The following VSIG4 variants were observed in gnomAD, a reference collection of about 807,000 sequenced individuals.
The protein encoded by VSIG4 is V-set and immunoglobulin domain-containing protein 4.
In VSIG4, 34 loss-of-function variants were observed where a neutral mutation model predicts 23.4. The ratio of observed to expected loss-of-function variants is 1.45; its 90% CI spans 1.10 to 1.93. The LOEUF (loss-of-function observed/expected upper bound fraction) is 1.93, where lower values mean the gene tolerates loss of function less well. VSIG4 is among the 30% of genes most tolerant of loss of function. The pLI, the probability that VSIG4 is intolerant of heterozygous loss-of-function variation, is 0.00. For missense variants in VSIG4, 433 were observed against 310.8 expected, an observed-to-expected ratio of 1.39 and a Z score of -2.96; for synonymous variants, 169 against 120.3, an observed-to-expected ratio of 1.41 and a Z score of -2.65.
rs1337385413 is a variant in VSIG4, at chrX:66,025,081, C to G, written c.884G>C (p.Cys295Ser). 2 of 1,204,620 alleles carry G rather than the reference C, an allele frequency of 1.7e-6. No individual in the cohort carries two copies. Among genetic ancestry groups the G allele is most frequent in the African/African-American group, 3.5e-5 (2 of 56,948 alleles). ...FAIILIISLC[C>S]MVVFTMAYIM... ...ATAGGCCATGGTAAAAACCACCATA[C>G]AGCACAAGGAGATGATGAGGATGAT... The change falls in exon 6 of 8, where the codon TGT becomes TCT. Residue 295 changes from cysteine (C) to serine (S), a missense_variant. Cys to Ser is a moderately radical substitution (Grantham distance 112, BLOSUM62 -1). Coordinates refer to ENST00000374737, the MANE Select transcript of VSIG4 (RefSeq NM_007268.3).
chrX:66,021,787 T>G lies in VSIG4; in HGVS notation c.*476A>C. On this transcript the variant is annotated 3_prime_UTR_variant, in exon 8 of 8. Transcript: ENST00000374737. ...TGAGCACCAGGAGAGAGTCAGAACA[T>G]TAGACTTATAGTGGAGGAGCAGAAC... 1 of 245,281 alleles carries G rather than the reference T, an allele frequency of 4.1e-6. No individual in the cohort carries two copies. 20.2% of individuals were successfully genotyped at this position (245,281 alleles called of 1,213,427 possible). A position where few individuals can be genotyped will look rare whatever the true frequency, so the allele number is the denominator to read the frequency against.
At chrX:66,025,178 G>T (rs1243905719) in intron 5 of VSIG4, 49 bp from the exon 6 acceptor site, 1 of 955,365 alleles carries the variant, frequency 1.0e-6, no homozygotes, top group Non-Finnish European at 1.4e-6. Flanking sequence ...AATAAGGCCA[G>T]AAACAAAAAC....
At chrX:66,036,410 A>G (rs1393492458) in intron 1 of VSIG4, among the ~76,000 whole-genome samples, 1 of 104,765 alleles carries the variant, frequency 9.5e-6, no homozygotes, top group African/African-American at 3.5e-5. Flanking sequence ...AGAATCAAGT[A>G]GGAGCCCCTA....
chrX:66,038,481 TCACACACA>T (rs10555185), intron 1 of VSIG4, among the ~76,000 whole-genome samples: 4 of 101,944 alleles, frequency 3.9e-5, no homozygotes, highest in Non-Finnish European at 8.0e-5. Context: ...TCTCTCTCTC[TCACACACA>T]CACACACACA....
At chrX:66,027,386 A>G (rs2085403772) in intron 5 of VSIG4, 63 bp downstream of exon 5, 5 of 982,925 alleles carry the variant, frequency 5.1e-6, no homozygotes, top group Non-Finnish European at 7.1e-6. Flanking sequence ...TGCATAAGGG[A>G]AAGTTTTGGT....
rs145965149 is a variant in VSIG4, at chrX:66,032,071, T to C, written c.694+397A>G. 1.5e-3 allele frequency among the ~76,000 whole-genome samples: 163 copies of C among 111,901 alleles called. 1 individual carries two copies. The Middle Eastern group carries it at 0.033, about 22-fold the overall frequency. ...AAATCTGAGTACAAATCCAGATTTA[T>C]ACTTCCTTGCTGTGAGACCATGGGC... On this transcript the variant is annotated intron_variant, in intron 3 of 7. Coordinates refer to ENST00000374737, the MANE Select transcript of VSIG4 (RefSeq NM_007268.3).
At chrX:66,034,303 C>A (rs893073515) in intron 1 of VSIG4, among the ~76,000 whole-genome samples, 1 of 111,833 alleles carries the variant, frequency 8.9e-6, no homozygotes, top group Non-Finnish European at 1.9e-5. Flanking sequence ...TAAATTTGCA[C>A]CTGGAGAAAG....
chrX:66,028,942 A>G (rs748759728), intron 3 of VSIG4, among the ~76,000 whole-genome samples: 1 of 111,853 alleles, frequency 8.9e-6, no homozygotes, highest in East Asian at 2.8e-4. Context: ...CGAGAAAACA[A>G]AAAAAACTAA....
intron 1 of VSIG4, among the ~76,000 whole-genome samples, chrX:66,036,877 A>G (rs1166160449): frequency 4.8e-5 from 2 of 41,506 alleles, no homozygotes; most frequent in Non-Finnish European, 7.3e-5. Flanking sequence ...ATTATATTAT[A>G]TATTATATTA....
chrX:66,027,304 C>G, intron 5 of VSIG4, 145 bp downstream of exon 5: 1 of 515,447 alleles, frequency 1.9e-6, no homozygotes, highest in Non-Finnish European at 3.4e-6. Flanking sequence ...CTTTACCCAT[C>G]CTCAGTGCCC....
chrX:66,028,829 C>G (rs1034822470), intron 3 of VSIG4, among the ~76,000 whole-genome samples: 2 of 110,580 alleles, frequency 1.8e-5, no homozygotes, highest in African/African-American at 6.6e-5. Context: ...CCTGAAAGAC[C>G]TGACTCAAAA....
At chrX:66,037,596 A>G (rs1166227044) in intron 1 of VSIG4, among the ~76,000 whole-genome samples, 1 of 64,182 alleles carries the variant, frequency 1.6e-5, no homozygotes, top group East Asian at 4.2e-4. Context: ...TTCCTTTATT[A>G]TTACTTCCAC....
chrX:66,028,790 T>C (rs1358750609), intron 3 of VSIG4, among the ~76,000 whole-genome samples: 2 of 109,982 alleles, frequency 1.8e-5, no homozygotes. Flanking sequence ...TTTTGAATAA[T>C]TGCCATTATT....
At chrX:66,038,959 A>T (rs1030841850) in intron 1 of VSIG4, among the ~76,000 whole-genome samples, 3 of 111,336 alleles carry the variant, frequency 2.7e-5, no homozygotes, top group Non-Finnish European at 5.7e-5. Flanking sequence ...CCTATATTGG[A>T]TCTCACTTAG....
rs1439308274 is a variant in VSIG4 at position 66,022,130 on chromosome X, C to G, written c.*133G>C. 1 of 1,186,502 alleles carries G rather than the reference C, an allele frequency of 8.4e-7. No homozygotes were observed. The highest frequency in any genetic ancestry group is 1.8e-5 in the African/African-American group (1 of 56,760). On this transcript the variant is annotated 3_prime_UTR_variant, in exon 8 of 8. Coordinates refer to ENST00000374737, the MANE Select transcript of VSIG4 (RefSeq NM_007268.3). ...AAATTCCAGGGCAAAGCCAGTGACTCCCAGCGGCTCCAGTGTTGGTAGGCG... is the reference window on the plus strand; with the variant it reads ...AAATTCCAGGGCAAAGCCAGTGACTGCCAGCGGCTCCAGTGTTGGTAGGCG...
At chrX:66,037,883 A>G (rs2085636979) in intron 1 of VSIG4, among the ~76,000 whole-genome samples, 1 of 107,199 alleles carries the variant, frequency 9.3e-6, no homozygotes, top group African/African-American at 3.4e-5. Flanking sequence ...GTGTAATGGC[A>G]CTGAAGAAAA....
intron 1 of VSIG4, among the ~76,000 whole-genome samples, chrX:66,036,420 A>G (rs1157720846): frequency 9.6e-6 from 1 of 104,252 alleles, no homozygotes; most frequent in Non-Finnish European, 1.9e-5. Context: ...AGGAGCCCCT[A>G]ATGAGAGCAG....
chrX:66,034,116 C>T (rs764538461), intron 1 of VSIG4, among the ~76,000 whole-genome samples: 22 of 111,662 alleles, frequency 2.0e-4, no homozygotes, highest in African/African-American at 1.3e-4. Context: ...ACCTTCTTAC[C>T]GTGGAAGATT....
At chrX:66,036,480 C>T (rs984413230) in intron 1 of VSIG4, among the ~76,000 whole-genome samples, 5 of 102,204 alleles carry the variant, frequency 4.9e-5, no homozygotes, top group Admixed American at 1.2e-4. Flanking sequence ...CTGATCTAAG[C>T]GCAAGGTCTG....
Sources: allele counts gnomAD v4.1 joint callset (sites outside exome capture counted in the v4.1 genomes callset), GRCh38; gene constraint gnomAD v4.1.1; transcripts MANE v1.5; gene names NCBI Gene and HGNC (gene_info 2026-07-23, HGNC 2026-07-21).